Variants in LRP1B observed in about 807,000 individuals in gnomAD.
LRP1B encodes the protein low-density lipoprotein receptor-related protein 1B.
In LRP1B, 217 loss-of-function variants were observed where a neutral mutation model predicts 556.6. That is an observed-to-expected ratio of 0.39 (90% CI 0.35 to 0.44). The LOEUF is 0.44. LRP1B is among the 20% of genes least tolerant of loss of function. LRP1B has a pLI of 1.00. For synonymous variants in LRP1B, 2,047 were observed against 1,865.8 expected (o/e 1.10, Z -2.50); for missense variants, 5,053 against 5,620.8 (o/e 0.90, Z 3.23).
chr2:141,845,888 C>A (rs1400609270), intron 1 of LRP1B, among the ~76,000 whole-genome samples: 1 of 151,450 alleles, frequency 6.6e-6, no homozygotes, highest in African/African-American at 2.4e-5. Flanking sequence ...TATAAAATAT[C>A]ATGACAAATA....
At chr2:142,111,263 G>A (rs1027162346) in intron 1 of LRP1B, among the ~76,000 whole-genome samples, 1 of 152,026 alleles carries the variant, frequency 6.6e-6, no homozygotes, top group African/African-American at 2.4e-5. Flanking sequence ...TTTGCAAAGA[G>A]GTGCGCAAAG....
At chr2:141,698,231 T>C (rs1470690561) in intron 2 of LRP1B, among the ~76,000 whole-genome samples, 1 of 151,780 alleles carries the variant, frequency 6.6e-6, no homozygotes, top group African/African-American at 2.4e-5. Flanking sequence ...AACCTCTAGG[T>C]GCTGGAAAAA....
chr2:141,160,279 T>C (rs181218339), intron 7 of LRP1B, among the ~76,000 whole-genome samples: 1 of 152,176 alleles, frequency 6.6e-6, no homozygotes, highest in Non-Finnish European at 1.5e-5. Flanking sequence ...CTGGAGAATA[T>C]GTCTGAACAA....
chr2:141,768,438 T>C (rs1694796437), intron 2 of LRP1B, among the ~76,000 whole-genome samples: 1 of 152,178 alleles, frequency 6.6e-6, no homozygotes, highest in African/African-American at 2.4e-5. Context: ...AAGTGGCATT[T>C]CCAGTATAAG....
At chr2:141,478,962 A>G (rs1682815589) in intron 3 of LRP1B, among the ~76,000 whole-genome samples, 1 of 152,188 alleles carries the variant, frequency 6.6e-6, no homozygotes, top group South Asian at 2.1e-4. Flanking sequence ...ACCTGCAACT[A>G]TGAATCTGCT....
In LRP1B at chr2:141,753,263, C is replaced by CATATAT. The variant is rs144027196; in HGVS notation, c.205+57010_205+57015dup. On this transcript the variant is annotated intron_variant, in intron 2 of 90. Coordinates refer to ENST00000389484, the MANE Select transcript of LRP1B (RefSeq NM_018557.3). ...AACACACACACTCTCTCTCTCTCTC[C>CATATAT]ATATATATATATATATATATCCCAG... Among the ~76,000 whole-genome samples, 40 of 62,542 alleles carry CATATAT rather than the reference C, an allele frequency of 6.4e-4. 7 individuals are homozygous for CATATAT. Among genetic ancestry groups the CATATAT allele is most frequent in the Non-Finnish European group, 8.5e-4 (25 of 29,346 alleles). 41.0% of individuals were successfully genotyped at this position (62,542 alleles called of 152,430 possible).
At chr2:140,470,944 A>T (rs989602924) in intron 60 of LRP1B, among the ~76,000 whole-genome samples, 6 of 152,162 alleles carry the variant, frequency 3.9e-5, no homozygotes, top group Admixed American at 2.0e-4. Flanking sequence ...CTTTCACTGA[A>T]AGATCAGTAC....
chr2:140,695,521 T>G (rs1686400321), intron 41 of LRP1B, among the ~76,000 whole-genome samples: 1 of 152,212 alleles, frequency 6.6e-6, no homozygotes, highest in South Asian at 2.1e-4. Context: ...TAGCCTGGAA[T>G]CTCAGAATTC....
intron 2 of LRP1B, among the ~76,000 whole-genome samples, chr2:141,590,227 C>G (rs1687289355): frequency 6.6e-6 from 1 of 152,088 alleles, no homozygotes; most frequent in Admixed American, 6.6e-5. Context: ...ATGAGTTGTT[C>G]TTTCTTTTTT....
In LRP1B at chr2:140,916,647, A is replaced by G. The variant is rs546166027; in HGVS notation, c.3319+6318T>C. On this transcript the variant is annotated intron_variant, in intron 21 of 90. Transcript: ENST00000389484. ...TGGAATCTAGAGGGGAAGGTAGATG[A>G]GTCAGCACCAAACTATCACAACTCT... is the stretch of plus-strand genomic sequence containing the variant. Among the ~76,000 whole-genome samples, 3 of 152,296 alleles carry G rather than the reference A, an allele frequency of 2.0e-5. No homozygotes were observed. The South Asian group carries it at 6.2e-4, about 32-fold the overall frequency.
At chr2:140,264,725 TG>T (rs1682117892) in intron 86 of LRP1B, among the ~76,000 whole-genome samples, 5 of 144,240 alleles carry the variant, frequency 3.5e-5, no homozygotes, top group African/African-American at 1.5e-4. Context: ...TGTGTGTGTG[TG>T]TGTGTGTGTG....
chr2:142,117,095 G>C lies in LRP1B; in HGVS notation c.82+13553C>G, dbSNP rs1425101821. 2.6e-5 allele frequency among the ~76,000 whole-genome samples: 4 copies of C among 151,994 alleles called. No individual in the cohort carries two copies. In the South Asian group the frequency reaches 8.3e-4, roughly 31 times the overall value. On this transcript the variant is annotated intron_variant, in intron 1 of 90. Transcript: ENST00000389484. ...AACCACGTGCTGTTACTTCCCACACGGAATATTTTCCCCCAGGTCCCTGCA... is the reference window on the plus strand; with the variant it reads ...AACCACGTGCTGTTACTTCCCACACCGAATATTTTCCCCCAGGTCCCTGCA...
chr2:140,356,207 A>G (rs1466334534), intron 75 of LRP1B, 135 bp downstream of exon 75: 2 of 881,796 alleles, frequency 2.3e-6, no homozygotes, highest in East Asian at 2.6e-5. Flanking sequence ...TTTCATTCTC[A>G]TAAGTGAAAT....
intron 1 of LRP1B, among the ~76,000 whole-genome samples, chr2:141,924,394 A>T (rs1700279785): frequency 6.6e-6 from 1 of 152,030 alleles, no homozygotes; most frequent in South Asian, 2.1e-4. Flanking sequence ...CCATTCCATA[A>T]AACCTCACAT....
chr2:140,564,286 T>C (rs1681045288), intron 43 of LRP1B, among the ~76,000 whole-genome samples: 1 of 152,134 alleles, frequency 6.6e-6, no homozygotes, highest in African/African-American at 2.4e-5. Flanking sequence ...TGAAACCTGG[T>C]AGCAAATTAA....
intron 23 of LRP1B, among the ~76,000 whole-genome samples, chr2:140,888,948 G>A (rs1051164614): frequency 2.2e-5 from 3 of 134,560 alleles, no homozygotes; most frequent in African/African-American, 8.8e-5. Flanking sequence ...GCGCAATAAA[G>A]TGAGTCTGTC....
At chr2:140,431,425 T>C (rs1685938432) in intron 66 of LRP1B, among the ~76,000 whole-genome samples, 1 of 152,132 alleles carries the variant, frequency 6.6e-6, no homozygotes, top group Non-Finnish European at 1.5e-5. Flanking sequence ...AAAAAACTTG[T>C]CATCCCTACT....
intron 2 of LRP1B, among the ~76,000 whole-genome samples, chr2:141,630,970 G>C (rs1404309321): frequency 6.6e-6 from 1 of 151,918 alleles, no homozygotes; most frequent in Non-Finnish European, 1.5e-5. Context: ...CTAGTATATT[G>C]TAATCATCTC....
In LRP1B at chr2:141,832,497, G is replaced by GA. The variant is rs766626001; in HGVS notation, c.83-22097dup. On this transcript the variant is annotated intron_variant, in intron 1 of 90. Transcript: ENST00000389484. ...TCTCTGGTTCAAACTGTCTTTAGGC[G>GA]AGCTCGAAAAATTTGTACTATTAAC... Among the ~76,000 whole-genome samples the GA allele has an allele frequency of 3.6e-4, 54 of 151,556 alleles. 2 individuals are homozygous for GA. The highest frequency in any genetic ancestry group is 1.9e-3 in the East Asian group (10 of 5,172).
Sources: allele counts gnomAD v4.1 joint callset (sites outside exome capture counted in the v4.1 genomes callset), GRCh38; gene constraint gnomAD v4.1.1; transcripts MANE v1.5; gene names NCBI Gene and HGNC (gene_info 2026-07-23, HGNC 2026-07-21).